Variants in EPN2 observed in about 807,000 individuals in gnomAD.
EPN2 encodes the protein epsin 2.
EPN2 carries 34 observed loss-of-function variants against 61.7 expected under a neutral mutation model. The observed-to-expected ratio is 0.55, with a 90% confidence interval of 0.42 to 0.73. EPN2 has a LOEUF of 0.73. EPN2 is among the 30% of genes least tolerant of loss of function. EPN2 has a pLI of 0.00. For synonymous variants in EPN2, 349 were observed against 353.6 expected, an observed-to-expected ratio of 0.99 and a Z score of 0.15; for missense variants, 714 against 839.2, an observed-to-expected ratio of 0.85 and a Z score of 1.84.
chr17:19,320,567 C>T (rs1906592978), intron 7 of EPN2, among the ~76,000 whole-genome samples: 1 of 152,156 alleles, frequency 6.6e-6, no homozygotes, highest in Non-Finnish European at 1.5e-5. Context: ...TGCTCAGGCC[C>T]ACCCCAGAAT....
intron 4 of EPN2, among the ~76,000 whole-genome samples, chr17:19,291,951 G>A (rs1384627186): frequency 2.0e-5 from 3 of 152,254 alleles, no homozygotes; most frequent in Middle Eastern, 3.4e-3. Context: ...TGAAGCATGC[G>A]CACACACAGA....
At chr17:19,245,537 A>G (rs1381035832) in intron 1 of EPN2, among the ~76,000 whole-genome samples, 2 of 151,372 alleles carry the variant, frequency 1.3e-5, no homozygotes, top group East Asian at 3.9e-4. Flanking sequence ...CCCAGGTTCA[A>G]GCAATCCTCC....
At chr17:19,298,998 G>A (rs1009001763) in intron 4 of EPN2, among the ~76,000 whole-genome samples, 3 of 152,132 alleles carry the variant, frequency 2.0e-5, no homozygotes, top group African/African-American at 7.2e-5. Flanking sequence ...ATTCCCAGAA[G>A]TGAGATTAGT....
intron 1 of EPN2, among the ~76,000 whole-genome samples, chr17:19,271,310 GC>G (rs1026673032): frequency 1.3e-5 from 2 of 152,200 alleles, no homozygotes; most frequent in African/African-American, 4.8e-5. Flanking sequence ...GTGACAAGGA[GC>G]CAGTCTAGTG....
At chr17:19,332,970 A>G (rs1052137567) in intron 10 of EPN2, among the ~76,000 whole-genome samples, 9 of 152,172 alleles carry the variant, frequency 5.9e-5, no homozygotes, top group African/African-American at 2.2e-4. Context: ...GAGAATTACC[A>G]CTGAACTTAC....
intron 1 of EPN2, among the ~76,000 whole-genome samples, chr17:19,256,703 C>T (rs1293104401): frequency 1.3e-5 from 2 of 152,114 alleles, no homozygotes; most frequent in Admixed American, 1.3e-4. Flanking sequence ...GAGAGAGACT[C>T]AGCTCCTGGA....
chr17:19,256,610 A>G (rs1415244893), intron 1 of EPN2, among the ~76,000 whole-genome samples: 1 of 151,910 alleles, frequency 6.6e-6, no homozygotes, highest in Admixed American at 6.6e-5. Context: ...CGTAAAGGGG[A>G]TTATATAGCG....
At chr17:19,309,110 C>T (rs941210147) in intron 4 of EPN2, among the ~76,000 whole-genome samples, 1 of 150,148 alleles carries the variant, frequency 6.7e-6, no homozygotes, top group Non-Finnish European at 1.5e-5. Flanking sequence ...TCCATGATCT[C>T]GTAGTAACAC....
At chr17:19,296,693 G>T (rs759475139) in intron 4 of EPN2, 1 of 152,028 alleles carries the variant, frequency 6.6e-6, no homozygotes, top group African/African-American at 2.4e-5. Context: ...ATGCAGCCTC[G>T]AACTCCTAGG....
intron 7 of EPN2, among the ~76,000 whole-genome samples, chr17:19,316,791 T>G (rs1018185784): frequency 6.6e-6 from 1 of 152,164 alleles, no homozygotes; most frequent in Non-Finnish European, 1.5e-5. Flanking sequence ...ATAGGGGTGT[T>G]TTTGCAGTTC....
chr17:19,259,604 G>T (rs548134136), intron 1 of EPN2, among the ~76,000 whole-genome samples: 12 of 152,280 alleles, frequency 7.9e-5, no homozygotes, highest in African/African-American at 2.9e-4. Flanking sequence ...GAGCCACAGC[G>T]CCCGGCTGAG....
chr17:19,278,935 C>T (rs2045334805), intron 1 of EPN2, among the ~76,000 whole-genome samples: 1 of 152,220 alleles, frequency 6.6e-6, no homozygotes, highest in Admixed American at 6.5e-5. Context: ...CCGTGCCCGG[C>T]CCCTAGTGAG....
At chr17:19,294,270 T>C (rs2045493896) in intron 4 of EPN2, among the ~76,000 whole-genome samples, 2 of 138,680 alleles carry the variant, frequency 1.4e-5, no homozygotes, top group African/African-American at 5.8e-5. Flanking sequence ...AAAAAAAAAT[T>C]AACCAGGCAT....
chr17:19,321,316 T>C (rs1906627160), intron 7 of EPN2, among the ~76,000 whole-genome samples: 2 of 152,186 alleles, frequency 1.3e-5, no homozygotes, highest in African/African-American at 4.8e-5. Flanking sequence ...GCACGCACAG[T>C]GGCTGCCTCT....
intron 7 of EPN2, among the ~76,000 whole-genome samples, chr17:19,326,108 A>G (rs573172788): frequency 3.9e-5 from 6 of 152,358 alleles, no homozygotes; most frequent in African/African-American, 1.4e-4. Context: ...TGACCAAAAG[A>G]TATTAAAACT....
chr17:19,271,983 CA>C (rs1342934088), intron 1 of EPN2, among the ~76,000 whole-genome samples: 1 of 152,242 alleles, frequency 6.6e-6, no homozygotes, highest in East Asian at 1.9e-4. Context: ...CCACCACATC[CA>C]CCAGCCAGGT....
At chr17:19,268,102 G>A (rs1239249745) in intron 1 of EPN2, among the ~76,000 whole-genome samples, 2 of 152,122 alleles carry the variant, frequency 1.3e-5, no homozygotes, top group Non-Finnish European at 2.9e-5. Flanking sequence ...CACTCTGCCC[G>A]CAGAGGCCTC....
intron 8 of EPN2, chr17:19,329,320 G>A: frequency 4.1e-6 from 2 of 485,484 alleles, no homozygotes; most frequent in South Asian, 3.8e-5. Context: ...GGTGTTAGAA[G>A]CAGTAGCAGG....
chr17:19,306,538 C>T (rs1905852257), intron 4 of EPN2, among the ~76,000 whole-genome samples: 1 of 152,244 alleles, frequency 6.6e-6, no homozygotes, highest in African/African-American at 2.4e-5. Context: ...CAGTATGTGC[C>T]AGCTGTGCGT....
Sources: gnomAD v4.1 joint callset for allele counts (sites outside exome capture counted in the v4.1 genomes callset) on GRCh38, gnomAD v4.1.1 for gene constraint, MANE v1.5 for transcripts, NCBI Gene and HGNC (gene_info 2026-07-23, HGNC 2026-07-21) for gene names.